TMIGD3: variants seen among roughly 807,000 people sequenced by gnomAD.
TMIGD3 encodes AD026 protein (AD026).
TMIGD3 carries 21 observed loss-of-function variants against 28.1 expected under a neutral mutation model. The ratio of observed to expected loss-of-function variants is 0.75; its 90% CI spans 0.53 to 1.08. The LOEUF (loss-of-function observed/expected upper bound fraction) is 1.08. Ranked by LOEUF, TMIGD3 falls within the 50% of genes least tolerant of loss-of-function variation. The probability of loss-of-function intolerance (pLI) is 0.00; values close to 1 mark genes in which losing one functional copy is unlikely to be tolerated. For synonymous variants in TMIGD3, 151 were observed against 162.1 expected, an observed-to-expected ratio of 0.93 and a Z score of 0.52; for missense variants, 416 against 435.6, an observed-to-expected ratio of 0.96 and a Z score of 0.40.
At chr1:111,533,670 C>T (rs1656527124) in intron 1 of TMIGD3, among the ~76,000 whole-genome samples, 1 of 152,156 alleles carries the variant, frequency 6.6e-6, no homozygotes, top group South Asian at 2.1e-4. Context: ...ACTCTTGCCT[C>T]AGCCCCCCGA....
intron 4 of TMIGD3, 98 bp from the exon 5 acceptor site, chr1:111,485,938 C>A (rs994152724): frequency 1.2e-6 from 1 of 868,978 alleles, no homozygotes; most frequent in Non-Finnish European, 1.8e-6. Flanking sequence ...CCCCTGCCCA[C>A]CCCCCAACCC....
intron 1 of TMIGD3, among the ~76,000 whole-genome samples, chr1:111,536,170 G>A (rs781669715): frequency 6.6e-6 from 1 of 151,706 alleles, no homozygotes; most frequent in Non-Finnish European, 1.5e-5. Context: ...TCATACATTC[G>A]TTTTCTCTGC....
At chr1:111,485,942 C>A (rs878955834) in intron 4 of TMIGD3, 102 bp from the exon 5 acceptor site, 9 of 864,648 alleles carry the variant, frequency 1.0e-5, no homozygotes, top group African/African-American at 3.4e-5. Context: ...TGCCCACCCC[C>A]CAACCCAGTT....
intron 1 of TMIGD3, among the ~76,000 whole-genome samples, chr1:111,554,613 A>T (rs1657405335): frequency 1.3e-5 from 2 of 152,372 alleles, no homozygotes; most frequent in South Asian, 4.1e-4. Flanking sequence ...AATAATTAAA[A>T]GAGACACACA....
At chr1:111,498,487 G>C (rs1441500887) in intron 1 of TMIGD3, among the ~76,000 whole-genome samples, 3 of 152,206 alleles carry the variant, frequency 2.0e-5, no homozygotes, top group Non-Finnish European at 4.4e-5. Flanking sequence ...AGCGTACAAA[G>C]CTGTAGTTTG....
intron 1 of TMIGD3, among the ~76,000 whole-genome samples, chr1:111,550,289 T>C (rs1463463176): frequency 6.6e-6 from 1 of 152,176 alleles, no homozygotes; most frequent in Admixed American, 6.5e-5. Flanking sequence ...TCTGGCTTCA[T>C]TGATTTTCTC....
At chr1:111,558,843 T>G (rs7526041) in intron 1 of TMIGD3, among the ~76,000 whole-genome samples, 16,112 of 152,174 alleles carry the variant, frequency 0.11, 2,172 homozygotes, top group African/African-American at 0.31. Context: ...TGATAGAATC[T>G]CTGCTTAAAA....
At chr1:111,514,313 G>C (rs1023820488) in intron 1 of TMIGD3, among the ~76,000 whole-genome samples, 1 of 152,128 alleles carries the variant, frequency 6.6e-6, no homozygotes, top group African/African-American at 2.4e-5. Context: ...GGAAGGCCGA[G>C]ACAGGTGGAT....
rs536421974 is a variant in TMIGD3, at chr1:111,513,706, G to A, written c.108-22944C>T. ...GCCAACAGAACTCTAGGTCACTGCA[G>A]ATGGTCCATCCTATGCCCCCTCCCT... On this transcript the variant is annotated intron_variant, in intron 1 of 5. Transcript: ENST00000369717. 7.2e-5 allele frequency among the ~76,000 whole-genome samples: 11 copies of A among 152,298 alleles called. No individual in the cohort carries two copies. The South Asian group carries it at 1.5e-3, about 20-fold the overall frequency.
intron 1 of TMIGD3, among the ~76,000 whole-genome samples, chr1:111,560,537 G>T (rs915002241): frequency 6.6e-6 from 1 of 150,686 alleles, no homozygotes; most frequent in Non-Finnish European, 1.5e-5. Context: ...CACTGAGGCT[G>T]GAGTGCAATG....
At chr1:111,534,141 T>C (rs1375776393) in intron 1 of TMIGD3, among the ~76,000 whole-genome samples, 1 of 152,212 alleles carries the variant, frequency 6.6e-6, no homozygotes, top group African/African-American at 2.4e-5. Flanking sequence ...TTTATCTTCG[T>C]TATACAAATG....
intron 1 of TMIGD3, among the ~76,000 whole-genome samples, chr1:111,535,152 T>C (rs771203059): frequency 5.9e-5 from 9 of 152,212 alleles, no homozygotes; most frequent in African/African-American, 1.9e-4. Flanking sequence ...ATTCAATGAA[T>C]TAAATTCATG....
In TMIGD3 at chr1:111,499,705, T is replaced by C. The variant is rs1557821814; in HGVS notation, c.350+3300A>G. The C allele has an allele frequency of 8.3e-6, 11 of 1,318,556 alleles. No homozygotes were observed. The East Asian group carries it at 3.5e-4, about 42-fold the overall frequency. 81.7% of individuals were successfully genotyped at this position (1,318,556 alleles called of 1,614,324 possible). A position where few individuals can be genotyped will look rare whatever the true frequency, so the allele number is the denominator to read the frequency against. On this transcript the variant is annotated intron_variant, in intron 1 of 5. Transcript: ENST00000369716. ...GAAGGAAAACAGACAATAATATCAATAATACGTTGTCCCCAAGTCAGGCCT... is the reference window on the plus strand; with the variant it reads ...GAAGGAAAACAGACAATAATATCAACAATACGTTGTCCCCAAGTCAGGCCT...
chr1:111,534,257 C>A (rs935269517), intron 1 of TMIGD3, among the ~76,000 whole-genome samples: 1 of 152,170 alleles, frequency 6.6e-6, no homozygotes, highest in Non-Finnish European at 1.5e-5. Context: ...GACAGCACAG[C>A]ATTCAATTGT....
At chr1:111,495,964 TG>T (rs1029629624) in intron 1 of TMIGD3, among the ~76,000 whole-genome samples, 4 of 151,802 alleles carry the variant, frequency 2.6e-5, no homozygotes, top group Non-Finnish European at 5.9e-5. Context: ...TGATAAAACA[TG>T]GAGAAAAAGA....
intron 1 of TMIGD3, among the ~76,000 whole-genome samples, chr1:111,514,794 G>A (rs1655806294): frequency 6.6e-6 from 1 of 152,094 alleles, no homozygotes; most frequent in African/African-American, 2.4e-5. Context: ...CTCTCTCCGG[G>A]CCTGGACCAC....
intron 1 of TMIGD3, among the ~76,000 whole-genome samples, chr1:111,550,490 T>C (rs1184465516): frequency 6.6e-6 from 1 of 152,234 alleles, no homozygotes; most frequent in African/African-American, 2.4e-5. Context: ...CCTCTAAGCA[T>C]TCTTCCAACA....
intron 1 of TMIGD3, among the ~76,000 whole-genome samples, chr1:111,521,944 G>A (rs1028789510): frequency 6.6e-6 from 1 of 152,194 alleles, no homozygotes; most frequent in African/African-American, 2.4e-5. Context: ...ATGGTATGAG[G>A]TAAGGGTTGA....
At chr1:111,543,369 A>G (rs1656915072) in intron 1 of TMIGD3, among the ~76,000 whole-genome samples, 1 of 152,150 alleles carries the variant, frequency 6.6e-6, no homozygotes, top group Non-Finnish European at 1.5e-5. Flanking sequence ...TTCGCTGCCA[A>G]AAGGGAAAAA....
Sources: gnomAD v4.1 joint callset for allele counts (sites outside exome capture counted in the v4.1 genomes callset) on GRCh38, gnomAD v4.1.1 for gene constraint, MANE v1.5 for transcripts, NCBI Gene and HGNC (gene_info 2026-07-23, HGNC 2026-07-21) for gene names.